Variants in CEP295 observed in about 807,000 individuals in gnomAD.
CEP295 encodes the protein centrosomal protein of 295 kDa.
CEP295 carries 190 observed loss-of-function variants against 291.6 expected under a neutral mutation model. The ratio of observed to expected loss-of-function variants is 0.65; its 90% CI spans 0.58 to 0.73. The LOEUF (loss-of-function observed/expected upper bound fraction) is 0.73, where lower values mean the gene tolerates loss of function less well. CEP295 is among the 30% of genes least tolerant of loss of function. The pLI is 0.00. For synonymous variants in CEP295, 993 were observed against 1,038.8 expected (o/e 0.96, Z 0.85); for missense variants, 2,863 against 2,949.4 (o/e 0.97, Z 0.68).
intron 4 of CEP295, among the ~76,000 whole-genome samples, chr11:93,669,204 A>G (rs906274958): frequency 6.6e-6 from 1 of 152,134 alleles, no homozygotes; most frequent in African/African-American, 2.4e-5. Flanking sequence ...TTCAGAATGC[A>G]TGTCAACCAA....
intron 2 of CEP295, among the ~76,000 whole-genome samples, chr11:93,667,321 G>A (rs1950241282): frequency 6.6e-6 from 1 of 152,168 alleles, no homozygotes; most frequent in Non-Finnish European, 1.5e-5. Context: ...CATATTTATC[G>A]CTTTAGCTTT....
In CEP295 at chr11:93,662,811, A is replaced by C. The variant is rs915234729; in HGVS notation, c.-27+1037A>C. On this transcript the variant is annotated intron_variant, in intron 1 of 29. Coordinates refer to ENST00000325212, the MANE Select transcript of CEP295 (RefSeq NM_033395.2). ...TCTACTCTGTCTTCATGAGATATTTATAAAGGAAAAGTAGTAACTACAGAG... is the reference window on the plus strand; with the variant it reads ...TCTACTCTGTCTTCATGAGATATTTCTAAAGGAAAAGTAGTAACTACAGAG... Among the ~76,000 whole-genome samples, 3 of 152,244 alleles carry C rather than the reference A, an allele frequency of 2.0e-5. No individual in the cohort carries two copies. The East Asian group carries it at 5.8e-4, about 29-fold the overall frequency.
Position 93,683,736 on chromosome 11 carries a change from G to C in CEP295, c.943G>C (p.Asp315His). The C allele has an allele frequency of 1.3e-6, 2 of 1,535,212 alleles. No homozygotes were observed. The highest frequency in any genetic ancestry group is 1.7e-6 in the Non-Finnish European group (2 of 1,143,164). ...TGCCTTTGAAGATATGTACAATGCA[G>C]ACAGGAGTAAGATATTTTCAGTAGG... ...EFAFEDMYNA[D>H]RKVKGNLILH... Residue 315 changes from aspartate to histidine, a missense_variant, in exon 8 of 30, where the codon GAC (aspartate) becomes CAC (histidine). Around this residue, in one of 3 missense-constraint regions of CEP295, gnomAD observed 554 missense variants for 576.0 expected, o/e 0.96. Coordinates refer to ENST00000325212, the MANE Select transcript of CEP295 (RefSeq NM_033395.2).
chr11:93,699,459 A>G lies in CEP295; in HGVS notation c.4547A>G (p.Lys1516Arg), dbSNP rs1952020202. 1 of 1,551,632 alleles carries G rather than the reference A, an allele frequency of 6.4e-7. No homozygotes were observed. The highest frequency in any genetic ancestry group is 2.0e-5 in the Admixed American group (1 of 50,978). ...CTTCAACAGCAGTTAGATACACAGA[A>G]GAAAGCCATTCGATCTATACAGGAA... ...QALQQQLDTQ[K>R]KAIRSIQEVQ... Residue 1516 changes from lysine to arginine, a missense_variant, in exon 15 of 30, where the codon AAG (lysine) becomes AGG (arginine). Around this residue, in one of 3 missense-constraint regions of CEP295, gnomAD observed 2,295 missense variants for 2,335.7 expected, o/e 0.98. Coordinates refer to ENST00000325212, the MANE Select transcript of CEP295 (RefSeq NM_033395.2).
At chr11:93,676,712 A>G (rs1040237469) in intron 6 of CEP295, among the ~76,000 whole-genome samples, 5 of 151,982 alleles carry the variant, frequency 3.3e-5, no homozygotes, top group Non-Finnish European at 4.4e-5. Flanking sequence ...CATTTTTGTG[A>G]TTTGAAAAGA....
Position 93,730,307 on chromosome 11 carries a change from T to C in CEP295, c.*38T>C. The C allele has an allele frequency of 7.4e-7, 1 of 1,358,500 alleles. No homozygotes were observed. The highest frequency in any genetic ancestry group is 1.0e-6 in the Non-Finnish European group (1 of 976,546). 84.2% of individuals were successfully genotyped at this position (1,358,500 alleles called of 1,614,324 possible). On this transcript the variant is annotated 3_prime_UTR_variant, in exon 30 of 30. Transcript: ENST00000325212. Reference sequence around the variant, plus strand: ...AGTGTAAAGGTTTTTTAATTGTGTATATGTAGCATTAGACAAAATTATTTA... The same window carrying C: ...AGTGTAAAGGTTTTTTAATTGTGTACATGTAGCATTAGACAAAATTATTTA...
At chr11:93,681,379 G>A (rs553923781) in intron 7 of CEP295, among the ~76,000 whole-genome samples, 32 of 141,836 alleles carry the variant, frequency 2.3e-4, no homozygotes, top group African/African-American at 7.8e-4. Flanking sequence ...TGGGACTACA[G>A]GCTCGCGTCA....
chr11:93,718,380 T>C (rs1953429129), intron 18 of CEP295, among the ~76,000 whole-genome samples: 1 of 152,258 alleles, frequency 6.6e-6, no homozygotes, highest in Non-Finnish European at 1.5e-5. Flanking sequence ...CATGAAAAGA[T>C]AGCAGTAAGG....
rs1491509192 is a variant in CEP295 at position 93,729,762 on chromosome 11, TAA to T, written c.7550_7551del (p.Lys2517ArgfsTer17). The part of the protein sequence containing the change: ...VSENSQIKTV[K>X]EKPSISSSVS... ...CTGAAAATTCTCAAATCAAAACAGTTAAAGAGAAACCATCTATAAGTATGTTG... is the reference window on the plus strand; with the variant it reads ...CTGAAAATTCTCAAATCAAAACAGTTAGAGAAACCATCTATAAGTATGTTG... On this transcript the variant is annotated frameshift_variant, in exon 27 of 30. Transcript: ENST00000325212. LOFTEE classifies it high-confidence loss of function. 66 of 1,546,476 alleles carry T rather than the reference TAA, an allele frequency of 4.3e-5. No homozygotes were observed. The highest frequency in any genetic ancestry group is 5.3e-5 in the Non-Finnish European group (61 of 1,144,306).
rs370498705 is a variant in CEP295 at position 93,697,417 on chromosome 11, G to A, written c.2505G>A (p.Leu835=). ...IISQMHDRPL[L]PSENITAQQG... ...GCCAAATGCATGATAGGCCTTTGCT[G>A]CCGTCAGAGAATATCACAGCCCAGC... is the stretch of plus-strand genomic sequence containing the variant. Residue 835 remains leucine (L), a synonymous_variant, in exon 15 of 30, where the codon CTG becomes CTA. Coordinates refer to ENST00000325212, the MANE Select transcript of CEP295 (RefSeq NM_033395.2). 3 of 1,552,054 alleles carry A rather than the reference G, an allele frequency of 1.9e-6. No homozygotes were observed. Among genetic ancestry groups the A allele is most frequent in the East Asian group, 4.9e-5 (2 of 40,928 alleles).
At chr11:93,721,648 A>G in intron 19 of CEP295, 1 of 734,046 alleles carries the variant, frequency 1.4e-6, no homozygotes, top group Non-Finnish European at 2.5e-6. Flanking sequence ...AATGTAAAAC[A>G]ATAAGGGCAT....
chr11:93,690,868 G>A (rs934266259), intron 10 of CEP295, among the ~76,000 whole-genome samples: 1 of 151,726 alleles, frequency 6.6e-6, no homozygotes, highest in Non-Finnish European at 1.5e-5. Context: ...GCCAAGGTTT[G>A]TTTCTTTATC....
intron 1 of CEP295, among the ~76,000 whole-genome samples, chr11:93,665,630 C>G (rs1317740205): frequency 6.6e-6 from 1 of 152,216 alleles, no homozygotes; most frequent in Non-Finnish European, 1.5e-5. Flanking sequence ...ATCACTTGAA[C>G]TCAGGAGACG....
intron 11 of CEP295, 68 bp downstream of exon 11, chr11:93,691,843 A>G (rs1951568869): frequency 2.3e-6 from 3 of 1,281,690 alleles, no homozygotes; most frequent in Non-Finnish European, 3.3e-6. Flanking sequence ...ATAAAATTAC[A>G]TGTGATATAT....
At chr11:93,691,381 A>G (rs1951545648) in intron 10 of CEP295, among the ~76,000 whole-genome samples, 1 of 152,126 alleles carries the variant, frequency 6.6e-6, no homozygotes, top group Non-Finnish European at 1.5e-5. Context: ...CTCCTTTTTA[A>G]CTTTGATACC....
Position 93,700,134 on chromosome 11 carries a change from A to C in CEP295, c.5222A>C (p.Gln1741Pro), listed in dbSNP as rs1436724654. Residue 1741 changes from glutamine (Q) to proline (P), a missense_variant, in exon 15 of 30, where the codon CAG becomes CCG. Physicochemically the swap from Gln to Pro is moderately conservative, Grantham distance 76. This residue lies in a region of CEP295 where 2,295 missense variants were observed against 2,335.7 expected (regional missense o/e 0.98). Coordinates refer to ENST00000325212, the MANE Select transcript of CEP295 (RefSeq NM_033395.2). ...LLVQRQTALQ[Q>P]QIQKHEETLK... ...GTACAGAGACAAACAGCATTGCAGC[A>C]GCAGATACAGAAACATGAAGAGACT... is the stretch of plus-strand genomic sequence containing the variant. 2 of 1,551,562 alleles carry C rather than the reference A, an allele frequency of 1.3e-6. No individual in the cohort carries two copies. The highest frequency in any genetic ancestry group is 4.9e-5 in the East Asian group (2 of 40,908).
chr11:93,698,445 G>A lies in CEP295; in HGVS notation c.3533G>A (p.Gly1178Asp). ...EQSQIQRVILGAKEGTQEFVH... is the reference protein window; with the variant it reads ...EQSQIQRVILDAKEGTQEFVH... Reference sequence around the variant, plus strand: ...TCACAAATACAAAGGGTAATACTTGGTGCTAAAGAAGGAACTCAGGAATTT... The same window carrying A: ...TCACAAATACAAAGGGTAATACTTGATGCTAAAGAAGGAACTCAGGAATTT... Residue 1178 changes from glycine to aspartate, a missense_variant, in exon 15 of 30, where the codon GGT becomes GAT. Gly to Asp is a moderately conservative substitution (Grantham distance 94). Coordinates refer to ENST00000325212, the MANE Select transcript of CEP295 (RefSeq NM_033395.2). The A allele has an allele frequency of 6.4e-7, 1 of 1,552,002 alleles. No individual in the cohort carries two copies. The highest frequency in any genetic ancestry group is 8.7e-7 in the Non-Finnish European group (1 of 1,147,048).
At chr11:93,700,233 C>G in intron 15 of CEP295, 47 bp downstream of exon 15, 1 of 1,441,220 alleles carries the variant, frequency 6.9e-7, no homozygotes, top group Non-Finnish European at 9.3e-7. Flanking sequence ...AGTTTAAACC[C>G]AAATCAGTTT....
In CEP295 at chr11:93,666,837, G is replaced by A. The variant is rs149421278; in HGVS notation, c.108+22G>A. The A allele has an allele frequency of 4.5e-4, 565 of 1,264,204 alleles. 7 individuals are homozygous for A. In the East Asian group the frequency reaches 0.013, roughly 30 times the overall value. The allele number at this position is 1,264,204 out of a possible 1,614,324, so 78.3% of individuals were successfully genotyped here. A position where few individuals can be genotyped will look rare whatever the true frequency, so the allele number is the denominator to read the frequency against. ...ACAGGTATGACTTATTTGTAATAAA[G>A]TTTTAAATTCCTTTCTTCCTCAAAT... is the stretch of plus-strand genomic sequence containing the variant. On this transcript the variant is annotated intron_variant, in intron 2 of 29. Coordinates refer to ENST00000325212, the MANE Select transcript of CEP295 (RefSeq NM_033395.2).
Sources: gnomAD v4.1 joint callset for allele counts (sites outside exome capture counted in the v4.1 genomes callset) on GRCh38, gnomAD v4.1.1 for gene constraint, gnomAD v4.1.1 regional missense constraint, MANE v1.5 for transcripts, NCBI Gene and HGNC (gene_info 2026-07-23, HGNC 2026-07-21) for gene names.